FAM135B: variants seen among roughly 807,000 people sequenced by gnomAD.
FAM135B encodes the protein protein FAM135B.
FAM135B carries 43 observed loss-of-function variants against 127.7 expected under a neutral mutation model. The ratio of observed to expected loss-of-function variants is 0.34; its 90% CI spans 0.26 to 0.43. The LOEUF is 0.43. Ranked by LOEUF, FAM135B falls within the 20% of genes least tolerant of loss-of-function variation. The pLI is 1.00. For missense variants in FAM135B, 1,558 were observed against 1,725.6 expected (o/e 0.90, Z 1.72); for synonymous variants, 670 against 665.1 (o/e 1.01, Z -0.11).
chr8:138,307,366 C>T (rs1037425305), intron 3 of FAM135B, among the ~76,000 whole-genome samples: 23 of 152,108 alleles, frequency 1.5e-4, no homozygotes, highest in African/African-American at 5.6e-4. Context: ...CTAATTAAAC[C>T]TTTTATTATG....
At chr8:138,476,387 G>C (rs1034689913) in intron 1 of FAM135B, among the ~76,000 whole-genome samples, 1 of 152,016 alleles carries the variant, frequency 6.6e-6, no homozygotes, top group African/African-American at 2.4e-5. Flanking sequence ...TGTCAGTGTA[G>C]GTTCATTAAT....
chr8:138,419,192 G>C (rs1026310721), intron 1 of FAM135B, among the ~76,000 whole-genome samples: 1 of 152,006 alleles, frequency 6.6e-6, no homozygotes, highest in Non-Finnish European at 1.5e-5. Context: ...CAACAGAAAA[G>C]AGCAGAGGTT....
At chr8:138,477,532 A>G (rs916999657) in intron 1 of FAM135B, 2 of 152,144 alleles carry the variant, frequency 1.3e-5, no homozygotes, top group African/African-American at 4.8e-5. Flanking sequence ...CTACAAGGTC[A>G]TGGTAACCTT....
intron 12 of FAM135B, among the ~76,000 whole-genome samples, chr8:138,160,569 TTGTA>T: frequency 6.6e-6 from 1 of 150,764 alleles, no homozygotes; most frequent in African/African-American, 2.4e-5. Flanking sequence ...TTTTTTTTTT[TTGTA>T]TTTTAGTGGA....
intron 3 of FAM135B, among the ~76,000 whole-genome samples, chr8:138,303,592 A>G (rs997195942): frequency 2.0e-5 from 3 of 152,208 alleles, no homozygotes; most frequent in Non-Finnish European, 4.4e-5. Context: ...CCCAGAACTT[A>G]AAGTAAAATA....
At chr8:138,470,079 A>C (rs1258565247) in intron 1 of FAM135B, among the ~76,000 whole-genome samples, 3 of 152,242 alleles carry the variant, frequency 2.0e-5, no homozygotes, top group African/African-American at 7.2e-5. Context: ...ATAGAAATAA[A>C]TGCAAGACTT....
intron 7 of FAM135B, among the ~76,000 whole-genome samples, chr8:138,210,620 C>A (rs1818064556): frequency 6.6e-6 from 1 of 152,116 alleles, no homozygotes; most frequent in Admixed American, 6.5e-5. Flanking sequence ...ACCATCAAAT[C>A]TTGTGAGAAC....
intron 2 of FAM135B, among the ~76,000 whole-genome samples, chr8:138,350,525 C>T (rs892082396): frequency 1.4e-4 from 21 of 151,316 alleles, no homozygotes; most frequent in African/African-American, 5.1e-4. Flanking sequence ...CACACACACA[C>T]ATCTGTGACA....
intron 3 of FAM135B, among the ~76,000 whole-genome samples, chr8:138,308,070 GC>G (rs1204928797): frequency 2.6e-5 from 4 of 152,160 alleles, no homozygotes. Context: ...CTTGTCACCT[GC>G]CCTGAACAAT....
At chr8:138,471,086 C>T (rs1357520580) in intron 1 of FAM135B, among the ~76,000 whole-genome samples, 2 of 152,180 alleles carry the variant, frequency 1.3e-5, no homozygotes, top group African/African-American at 4.8e-5. Context: ...CATGAAATTG[C>T]AAAGCCTTGT....
chr8:138,336,706 G>A (rs1281839007), intron 2 of FAM135B, among the ~76,000 whole-genome samples: 2 of 152,148 alleles, frequency 1.3e-5, no homozygotes, highest in South Asian at 2.1e-4. Context: ...CATTCCTTCT[G>A]AAATTATTAC....
chr8:138,351,752 C>A (rs1357267354), intron 2 of FAM135B, among the ~76,000 whole-genome samples: 1 of 141,730 alleles, frequency 7.1e-6, no homozygotes, highest in Non-Finnish European at 1.5e-5. Context: ...CGCAGTGGTA[C>A]AATCTCACCT....
At chr8:138,313,846 C>A (rs1826876405) in intron 2 of FAM135B, among the ~76,000 whole-genome samples, 1 of 150,312 alleles carries the variant, frequency 6.7e-6, no homozygotes, top group African/African-American at 2.5e-5. Context: ...CCAAATGCAA[C>A]ACTCACAGCA....
intron 2 of FAM135B, among the ~76,000 whole-genome samples, chr8:138,344,552 G>GTC (rs1015017849): frequency 6.7e-6 from 1 of 149,318 alleles, no homozygotes; most frequent in African/African-American, 2.5e-5. Flanking sequence ...TAAATTAGGA[G>GTC]TCTCTTGCTA....
chr8:138,412,595 T>G (rs1833926692), intron 1 of FAM135B, among the ~76,000 whole-genome samples: 1 of 152,166 alleles, frequency 6.6e-6, no homozygotes, highest in Non-Finnish European at 1.5e-5. Context: ...TGCTTCTGTC[T>G]TATATTGTAC....
chr8:138,330,998 G>A (rs1200233470), intron 2 of FAM135B, among the ~76,000 whole-genome samples: 8 of 151,914 alleles, frequency 5.3e-5, no homozygotes, highest in Middle Eastern at 3.4e-3. Context: ...ATGCACCACC[G>A]CACCCAGCTA....
chr8:138,420,668 G>T (rs937437091), intron 1 of FAM135B, among the ~76,000 whole-genome samples: 2 of 151,424 alleles, frequency 1.3e-5, no homozygotes, highest in Non-Finnish European at 1.5e-5. Flanking sequence ...TTTTTTCCTA[G>T]GATGACAAGT....
intron 2 of FAM135B, among the ~76,000 whole-genome samples, chr8:138,362,935 T>C (rs991741828): frequency 2.6e-5 from 4 of 152,264 alleles, no homozygotes; most frequent in Admixed American, 6.5e-5. Flanking sequence ...AAATAAAGCA[T>C]GTACAGATGT....
At chr8:138,301,064 A>G (rs1262380623) in intron 3 of FAM135B, among the ~76,000 whole-genome samples, 1 of 152,016 alleles carries the variant, frequency 6.6e-6, no homozygotes, top group Admixed American at 6.6e-5. Context: ...TTACTTTTAA[A>G]TTTTGACTTA....
Sources: gnomAD v4.1 joint callset for allele counts (sites outside exome capture counted in the v4.1 genomes callset) on GRCh38, gnomAD v4.1.1 for gene constraint, MANE v1.5 for transcripts, NCBI Gene and HGNC (gene_info 2026-07-23, HGNC 2026-07-21) for gene names.